The following ANKS4B variants were observed in gnomAD, a reference collection of about 807,000 sequenced individuals.
ANKS4B encodes the protein ankyrin repeat and sterile alpha motif domain containing 4B.
Under a neutral mutation model 20.2 loss-of-function variants are expected in ANKS4B, and 21 were observed. The observed-to-expected ratio is 1.04, with a 90% CI of 0.74 to 1.50. The LOEUF (loss-of-function observed/expected upper bound fraction) is 1.50. ANKS4B is among the 40% of genes most tolerant of loss of function. The probability of loss-of-function intolerance (pLI) is 0.00; values close to 1 mark genes in which losing one functional copy is unlikely to be tolerated. For synonymous variants in ANKS4B, 179 were observed against 194.5 expected (o/e 0.92, Z 0.66); for missense variants, 473 against 494.6 (o/e 0.96, Z 0.41).
At chr16:21,247,859 T>C (rs1002482577) in intron 1 of ANKS4B, among the ~76,000 whole-genome samples, 10 of 152,218 alleles carry the variant, frequency 6.6e-5, no homozygotes, top group African/African-American at 2.4e-4. Flanking sequence ...TACCATCTAA[T>C]AGTATCCCCA....
At chr16:21,242,227 A>C (rs1281585900) in intron 1 of ANKS4B, among the ~76,000 whole-genome samples, 1 of 152,004 alleles carries the variant, frequency 6.6e-6, no homozygotes, top group Non-Finnish European at 1.5e-5. Flanking sequence ...TCACTCTGTC[A>C]CCAGGCTGGA....
At chr16:21,249,639 C>G (rs2093336254) in intron 1 of ANKS4B, 92 bp from the exon 2 acceptor site, 1 of 1,401,334 alleles carries the variant, frequency 7.1e-7, no homozygotes. Flanking sequence ...ATTAACGTGC[C>G]TTTTGTTCTT....
Position 21,248,783 on chromosome 16 carries a change from C to T in ANKS4B, c.165-948C>T, listed in dbSNP as rs187221263. On this transcript the variant is annotated intron_variant, in intron 1 of 1. Transcript: ENST00000311620. The stretch of plus-strand genomic sequence containing the variant: ...AACAAATTATATTAAAAAGATAACA[C>T]GAAAGTCTCACTTTCTACTTATTTT... Among the ~76,000 whole-genome samples the T allele has an allele frequency of 2.2e-3, 338 of 152,146 alleles. 1 individual carries two copies. Among genetic ancestry groups the T allele is most frequent in the African/African-American group, 7.7e-3 (320 of 41,512 alleles).
intron 1 of ANKS4B, 147 bp from the exon 2 acceptor site, chr16:21,249,584 A>T: frequency 1.1e-6 from 1 of 930,402 alleles, no homozygotes; most frequent in Non-Finnish European, 1.6e-6. Context: ...TTGGACTTGC[A>T]GCCAGTATCT....
In ANKS4B at chr16:21,250,531, A is replaced by G; in HGVS notation, c.965A>G (p.Glu322Gly). 1 of 1,614,174 alleles carries G rather than the reference A, an allele frequency of 6.2e-7. No homozygotes were observed. Among genetic ancestry groups the G allele is most frequent in the East Asian group, 2.2e-5 (1 of 44,876 alleles). ...GGTGCAGCTGATGAAGAGGGAGAGGAAAACGGCCTCAAAGATGATCTGCCG... is the reference window on the plus strand; with the variant it reads ...GGTGCAGCTGATGAAGAGGGAGAGGGAAACGGCCTCAAAGATGATCTGCCG... ...DEGAADEEGE[E>G]NGLKDDLPWD... Residue 322 changes from glutamate (E) to glycine (G), a missense_variant, in exon 2 of 2, where the codon GAA (glutamate) becomes GGA (glycine). Physicochemically the swap from Glu to Gly is moderately conservative, Grantham distance 98 (BLOSUM62 -2). Coordinates refer to ENST00000311620, the MANE Select transcript of ANKS4B (RefSeq NM_145865.3).
intron 1 of ANKS4B, among the ~76,000 whole-genome samples, chr16:21,235,156 A>G (rs963688074): frequency 6.6e-6 from 1 of 152,142 alleles, no homozygotes; most frequent in East Asian, 1.9e-4. Context: ...CTCATCTATG[A>G]TATTTGTTAC....
chr16:21,249,959 G>C lies in ANKS4B; in HGVS notation c.393G>C (p.Lys131Asn). 1.9e-6 allele frequency: 3 copies of C among 1,614,188 alleles called. No individual in the cohort carries two copies. Among genetic ancestry groups the C allele is most frequent in the Non-Finnish European group, 8.5e-7 (1 of 1,180,034 alleles). The change falls in exon 2 of 2, where the codon AAG (lysine) becomes AAC (asparagine). Residue 131 changes from lysine to asparagine, a missense_variant. By Grantham distance (94) the Lys-to-Asn change is moderately conservative. Transcript: ENST00000311620. The stretch of plus-strand genomic sequence containing the variant: ...CACAGAACATCATGAACCCCAAGAA[G>C]GTCACCAGGCTGAAGGAGCAGGCTC... ...ATAQNIMNPK[K>N]VTRLKEQAQK... is the part of the protein sequence containing the mutation.
intron 1 of ANKS4B, among the ~76,000 whole-genome samples, chr16:21,242,495 CTT>C (rs1287949584): frequency 6.6e-6 from 1 of 152,112 alleles, no homozygotes; most frequent in African/African-American, 2.4e-5. Context: ...CTCTAGGAGA[CTT>C]TTTTAGATTC....
chr16:21,237,458 T>C (rs1024781255), intron 1 of ANKS4B, among the ~76,000 whole-genome samples: 2 of 152,208 alleles, frequency 1.3e-5, no homozygotes, highest in African/African-American at 4.8e-5. Flanking sequence ...CTTACAGCTC[T>C]GGCAGCAGAG....
At chr16:21,241,189 C>T (rs143145449) in intron 1 of ANKS4B, among the ~76,000 whole-genome samples, 1 of 152,248 alleles carries the variant, frequency 6.6e-6, no homozygotes, top group African/African-American at 2.4e-5. Flanking sequence ...ATCCCATCAC[C>T]CAGGTAGTGA....
chr16:21,243,777 G>A (rs532272405), intron 1 of ANKS4B: 14 of 152,380 alleles, frequency 9.2e-5, no homozygotes, highest in African/African-American at 3.4e-4. Context: ...GTTTCACCAT[G>A]TTAGCCAGGA....
rs1334634863 is a variant in ANKS4B, at chr16:21,253,664, T to C, written c.*2844T>C. ...AAATGAACTTGAACATTGACTCTCATCCCTTTTTAGGAGATATTTGCCACT... is the reference window on the plus strand; with the variant it reads ...AAATGAACTTGAACATTGACTCTCACCCCTTTTTAGGAGATATTTGCCACT... On this transcript the variant is annotated 3_prime_UTR_variant, in exon 2 of 2. Coordinates refer to ENST00000311620, the MANE Select transcript of ANKS4B (RefSeq NM_145865.3). The C allele has an allele frequency of 6.6e-6, 1 of 152,136 alleles. No homozygotes were observed. The highest frequency in any genetic ancestry group is 1.5e-5 in the Non-Finnish European group (1 of 68,022). 9.4% of individuals were successfully genotyped at this position (152,136 alleles called of 1,614,324 possible).
At chr16:21,243,970 A>G (rs1185883696) in intron 1 of ANKS4B, 1 of 151,574 alleles carries the variant, frequency 6.6e-6, no homozygotes, top group Non-Finnish European at 1.5e-5. Flanking sequence ...TGCATTTGAA[A>G]TTTTCTCAAA....
intron 1 of ANKS4B, among the ~76,000 whole-genome samples, chr16:21,246,846 G>C (rs1211754441): frequency 1.3e-5 from 2 of 152,210 alleles, no homozygotes. Context: ...GGCAAAGAAT[G>C]TGAAAGTGCT....
At chr16:21,242,509 A>C (rs2093327703) in intron 1 of ANKS4B, among the ~76,000 whole-genome samples, 1 of 152,130 alleles carries the variant, frequency 6.6e-6, no homozygotes, top group South Asian at 2.1e-4. Context: ...TTTAGATTCC[A>C]CATTTAAGTG....
rs112775227 is a variant in ANKS4B, at chr16:21,234,210, T to C, written c.164+309T>C. 1.9e-3 allele frequency among the ~76,000 whole-genome samples: 284 copies of C among 152,194 alleles called. 1 individual carries two copies. The highest frequency in any genetic ancestry group is 5.6e-3 in the South Asian group (27 of 4,818). ...GCCTTTAAAAATGCTTTTCATGAAA[T>C]TTAAATAGTTTTCTCTTTTCAAAGA... On this transcript the variant is annotated intron_variant, in intron 1 of 1. Coordinates refer to ENST00000311620, the MANE Select transcript of ANKS4B (RefSeq NM_145865.3).
rs765158926 is a variant in ANKS4B at position 21,253,468 on chromosome 16, T to C, written c.*2648T>C. 5 of 152,134 alleles carry C rather than the reference T, an allele frequency of 3.3e-5. No individual in the cohort carries two copies. The highest frequency in any genetic ancestry group is 1.3e-4 in the Admixed American group (2 of 15,272). The allele number at this position is 152,134 out of a possible 1,614,324, so 9.4% of individuals were successfully genotyped here. ...AACGTGCACAGAAGCAGTTGGCAAA[T>C]AGAAAGTGCTCAAAAAAGTTTGTAG... is the stretch of plus-strand genomic sequence containing the variant. On this transcript the variant is annotated 3_prime_UTR_variant, in exon 2 of 2. Coordinates refer to ENST00000311620, the MANE Select transcript of ANKS4B (RefSeq NM_145865.3).
intron 1 of ANKS4B, among the ~76,000 whole-genome samples, chr16:21,237,303 G>A (rs946194226): frequency 1.3e-5 from 2 of 152,176 alleles, no homozygotes; most frequent in Non-Finnish European, 2.9e-5. Flanking sequence ...TTACAGGTGT[G>A]AGCCACCGGG....
In ANKS4B at chr16:21,250,496, G is replaced by A. The variant is rs1391162793; in HGVS notation, c.930G>A (p.Glu310=). ...TGCTTCAAAGACAAGGAGCATCAGA[G>A]GCTGATGAGGGTGCAGCTGATGAAG... is the stretch of plus-strand genomic sequence containing the variant. ...SELLQRQGAS[E]ADEGAADEEG... is the part of the protein sequence containing the mutation. The change falls in exon 2 of 2, where the codon GAG becomes GAA. Residue 310 remains glutamate (E), a synonymous_variant. Transcript: ENST00000311620. The A allele has an allele frequency of 6.2e-7, 1 of 1,614,162 alleles. No homozygotes were observed. Among genetic ancestry groups the A allele is most frequent in the Admixed American group, 1.7e-5 (1 of 60,010 alleles).
Sources: gnomAD v4.1 joint callset for allele counts (sites outside exome capture counted in the v4.1 genomes callset) on GRCh38, gnomAD v4.1.1 for gene constraint, MANE v1.5 for transcripts, NCBI Gene and HGNC (gene_info 2026-07-23, HGNC 2026-07-21) for gene names.